FER: variants seen among roughly 807,000 people sequenced by gnomAD.
FER encodes FER tyrosine kinase.
A neutral mutation model predicts 111.0 loss-of-function variants in FER; 63 were observed. The observed-to-expected ratio is 0.57, with a 90% CI of 0.46 to 0.70. The LOEUF (loss-of-function observed/expected upper bound fraction) is 0.70, where lower values mean the gene tolerates loss of function less well. Among genes scored for constraint, FER ranks in the 30% least tolerant of loss-of-function variants. FER has a pLI of 0.00. For synonymous variants in FER, 327 were observed against 313.9 expected (o/e 1.04, Z -0.44); for missense variants, 914 against 954.0 (o/e 0.96, Z 0.55).
intron 13 of FER, among the ~76,000 whole-genome samples, chr5:109,011,284 ATC>A (rs1285739880): frequency 6.6e-6 from 1 of 152,226 alleles, no homozygotes. Context: ...AAAAATCAGC[ATC>A]TCTAAAAATT....
chr5:108,893,782 G>A (rs367851101), intron 9 of FER, among the ~76,000 whole-genome samples: 45 of 152,066 alleles, frequency 3.0e-4, no homozygotes, highest in South Asian at 1.7e-3. Flanking sequence ...GCTTGATCTT[G>A]GATGGTTCTA....
chr5:108,881,949 A>G (rs1314574536), intron 8 of FER, among the ~76,000 whole-genome samples: 4 of 152,114 alleles, frequency 2.6e-5, no homozygotes, highest in African/African-American at 7.2e-5. Flanking sequence ...ATGTATTTTA[A>G]TATAATTAGA....
At chr5:109,106,561 TACAG>T (rs1349022975) in intron 17 of FER, among the ~76,000 whole-genome samples, 1 of 152,184 alleles carries the variant, frequency 6.6e-6, no homozygotes, top group East Asian at 1.9e-4. Flanking sequence ...TTTGCTATAA[TACAG>T]AGAGGACTGC....
chr5:108,853,556 A>T (rs1006430911), intron 5 of FER, among the ~76,000 whole-genome samples: 4 of 152,218 alleles, frequency 2.6e-5, no homozygotes, highest in Non-Finnish European at 5.9e-5. Flanking sequence ...CCATGTGATC[A>T]TCTGTAGCAA....
intron 3 of FER, among the ~76,000 whole-genome samples, chr5:108,823,515 T>A (rs942870995): frequency 6.6e-6 from 1 of 152,218 alleles, no homozygotes; most frequent in Admixed American, 6.5e-5. Flanking sequence ...TGATTTGTAG[T>A]TACCTGATGA....
At chr5:109,119,674 T>C (rs978267930) in intron 17 of FER, among the ~76,000 whole-genome samples, 3 of 152,174 alleles carry the variant, frequency 2.0e-5, no homozygotes, top group Non-Finnish European at 2.9e-5. Flanking sequence ...AAGGACTTGC[T>C]TTATGAATCT....
chr5:108,943,418 C>G (rs1296056985), intron 10 of FER, among the ~76,000 whole-genome samples: 3 of 152,124 alleles, frequency 2.0e-5, no homozygotes, highest in African/African-American at 7.2e-5. Flanking sequence ...GCCTTAGTGC[C>G]TCCTTTCAGA....
At chr5:109,184,577 G>A (rs771402732) in intron 18 of FER, among the ~76,000 whole-genome samples, 8 of 152,094 alleles carry the variant, frequency 5.3e-5, no homozygotes, top group Non-Finnish European at 1.0e-4. Context: ...AATAAGATAT[G>A]AGTCTGTATA....
chr5:108,957,465 A>G (rs1758575943), intron 12 of FER, among the ~76,000 whole-genome samples: 1 of 151,652 alleles, frequency 6.6e-6, no homozygotes, highest in Non-Finnish European at 1.5e-5. Context: ...AATGCAGGCA[A>G]GGATGTGGAG....
chr5:108,964,036 T>C (rs1388956510), intron 13 of FER, among the ~76,000 whole-genome samples: 1 of 152,206 alleles, frequency 6.6e-6, no homozygotes, highest in African/African-American at 2.4e-5. Context: ...TCTATATCCA[T>C]GTTCTTCAAT....
intron 2 of FER, among the ~76,000 whole-genome samples, chr5:108,778,842 A>G (rs753520967): frequency 6.6e-6 from 1 of 152,100 alleles, no homozygotes; most frequent in South Asian, 2.1e-4. Flanking sequence ...TCTTTCTTTC[A>G]TGGATTGTGC....
intron 13 of FER, among the ~76,000 whole-genome samples, chr5:108,977,949 G>A (rs960349741): frequency 7.2e-5 from 11 of 152,096 alleles, no homozygotes; most frequent in African/African-American, 1.9e-4. Context: ...GGGCCCAAGC[G>A]ATCCTCCTGC....
intron 3 of FER, among the ~76,000 whole-genome samples, chr5:108,808,557 CTG>C (rs1217960475): frequency 6.6e-6 from 1 of 151,888 alleles, no homozygotes; most frequent in East Asian, 1.9e-4. Context: ...ACTTGCAACT[CTG>C]TGCCTTTTAA....
At chr5:109,007,719 A>T (rs1027966787) in intron 13 of FER, among the ~76,000 whole-genome samples, 4 of 152,212 alleles carry the variant, frequency 2.6e-5, no homozygotes, top group Non-Finnish European at 5.9e-5. Context: ...AACTATAAAC[A>T]TTCATTTAAA....
At chr5:109,145,033 T>C (rs1753923653) in intron 17 of FER, among the ~76,000 whole-genome samples, 1 of 151,524 alleles carries the variant, frequency 6.6e-6, no homozygotes, top group African/African-American at 2.4e-5. Context: ...ATTTCTTTAG[T>C]TGTTTTTTTT....
chr5:108,894,302 G>C, intron 9 of FER: 4 of 807,392 alleles, frequency 5.0e-6, no homozygotes, highest in Non-Finnish European at 6.6e-6. Context: ...TGGGACTTGG[G>C]GGTCACCAAT....
At chr5:108,998,903 A>G (rs933126481) in intron 13 of FER, among the ~76,000 whole-genome samples, 1 of 151,990 alleles carries the variant, frequency 6.6e-6, no homozygotes. Context: ...AGTGATTTAT[A>G]TATGTTGTAT....
chr5:108,828,940 T>A (rs1759754991), intron 3 of FER, among the ~76,000 whole-genome samples: 1 of 151,980 alleles, frequency 6.6e-6, no homozygotes, highest in Non-Finnish European at 1.5e-5. Flanking sequence ...TCTATTTTTT[T>A]AAAAAAAGAA....
At chr5:108,855,220 T>C (rs1426856949) in intron 5 of FER, among the ~76,000 whole-genome samples, 1 of 152,152 alleles carries the variant, frequency 6.6e-6, no homozygotes. Flanking sequence ...TTAATTGTCA[T>C]TTAAAGCCAT....
Sources: allele counts gnomAD v4.1 joint callset (sites outside exome capture counted in the v4.1 genomes callset), GRCh38; gene constraint gnomAD v4.1.1; transcripts MANE v1.5; gene names NCBI Gene and HGNC (gene_info 2026-07-23, HGNC 2026-07-21).